Variants in PC observed in about 807,000 individuals in gnomAD.
The protein encoded by PC is pyruvate carboxylase.
PC carries 46 observed loss-of-function variants against 107.8 expected under a neutral mutation model. That is an observed-to-expected ratio of 0.43 (90% CI 0.34 to 0.55). PC has a LOEUF of 0.55. Ranked by LOEUF, PC falls within the 20% of genes least tolerant of loss-of-function variation. PC has a pLI of 0.04. For synonymous variants in PC, 662 were observed against 684.7 expected (o/e 0.97, Z 0.52); for missense variants, 1,241 against 1,643.1 (o/e 0.76, Z 4.23).
intron 3 of PC, among the ~76,000 whole-genome samples, chr11:66,907,364 C>G (rs370733521): frequency 2.0e-5 from 3 of 152,044 alleles, no homozygotes; most frequent in South Asian, 4.2e-4. Context: ...CCCGTCTCTA[C>G]GAAAAATACA....
intron 3 of PC, among the ~76,000 whole-genome samples, chr11:66,951,178 C>T (rs368285403): frequency 9.9e-5 from 15 of 152,264 alleles, no homozygotes; most frequent in African/African-American, 3.4e-4. Context: ...AACTCCTATA[C>T]CAAGGAATCC....
intron 3 of PC, among the ~76,000 whole-genome samples, chr11:66,933,968 T>C (rs1192940771): frequency 2.0e-5 from 3 of 152,092 alleles, no homozygotes; most frequent in South Asian, 2.1e-4. Context: ...CACTCCAACA[T>C]TGCTTCCCAA....
intron 12 of PC, among the ~76,000 whole-genome samples, chr11:66,861,998 A>G (rs1444887811): frequency 6.6e-6 from 1 of 152,132 alleles, no homozygotes; most frequent in Non-Finnish European, 1.5e-5. Context: ...GAGGGAGCAG[A>G]GGAACCGGGC....
At position 66,897,580 on chromosome 11, in the gene PC, A is replaced by G. The variant is rs923537197; in HGVS notation, c.1-25421T>C. On this transcript the variant is annotated intron_variant, in intron 3 of 22. Coordinates refer to ENST00000393960, the MANE Select transcript of PC (RefSeq NM_001040716.2). ...GAGAGAGACCTGCCTACAAAAAATAAATAAACAAAAAGCGAATAAAATACA... is the reference window on the plus strand; with the variant it reads ...GAGAGAGACCTGCCTACAAAAAATAGATAAACAAAAAGCGAATAAAATACA... Among the ~76,000 whole-genome samples the G allele has an allele frequency of 2.6e-5, 4 of 152,138 alleles. No individual in the cohort carries two copies. The East Asian group carries it at 5.8e-4, about 22-fold the overall frequency.
chr11:66,860,222 A>G, intron 12 of PC: 3 of 1,540,408 alleles, frequency 1.9e-6, no homozygotes, highest in Non-Finnish European at 2.6e-6. Context: ...TGTGTGCTCC[A>G]AGGGATGAGC....
rs1565208940 is a variant in PC, at chr11:66,849,767, C to A, written c.2991G>T (p.Arg997=). 1.2e-6 allele frequency: 2 copies of A among 1,614,176 alleles called. No homozygotes were observed. The highest frequency in any genetic ancestry group is 2.2e-5 in the South Asian group (2 of 91,088). Reference sequence around the variant, plus strand: ...CTTCCGGCGTCACCTCCTCCCCATGCCGGTCTACCAGCTCCTTCTCCAGTG... The same window carrying A: ...CTTCCGGCGTCACCTCCTCCCCATGACGGTCTACCAGCTCCTTCTCCAGTG... ...LQALEKELVD[R]HGEEVTPEDV... Residue 997 remains arginine, a synonymous_variant, in exon 21 of 23, where the codon CGG becomes CGT. Coordinates refer to ENST00000393960, the MANE Select transcript of PC (RefSeq NM_001040716.2).
chr11:66,921,484 G>A (rs552371674), intron 3 of PC, among the ~76,000 whole-genome samples: 2 of 152,306 alleles, frequency 1.3e-5, no homozygotes, highest in South Asian at 4.1e-4. Flanking sequence ...ACTCTGCAAA[G>A]GACACAAGCA....
intron 12 of PC, chr11:66,859,824 G>C (rs762935577): frequency 6.3e-7 from 1 of 1,579,930 alleles, no homozygotes; most frequent in Non-Finnish European, 8.6e-7. Flanking sequence ...GCAGGCCCAC[G>C]TGCTGGGCGG....
At chr11:66,863,350 G>T (rs1385035561) in intron 12 of PC, among the ~76,000 whole-genome samples, 4 of 152,142 alleles carry the variant, frequency 2.6e-5, no homozygotes, top group African/African-American at 9.7e-5. Context: ...AAATAAAAAA[G>T]AATTATCTGG....
intron 16 of PC, 31 bp from the exon 17 acceptor site, chr11:66,851,311 C>T: frequency 3.1e-6 from 5 of 1,599,498 alleles, no homozygotes; most frequent in Non-Finnish European, 3.4e-6. Flanking sequence ...AGGGCTGAGC[C>T]CCACCCCACC....
chr11:66,908,110 C>G (rs1948221897), intron 3 of PC, among the ~76,000 whole-genome samples: 1 of 151,312 alleles, frequency 6.6e-6, no homozygotes, highest in Non-Finnish European at 1.5e-5. Context: ...CTCACAAGTT[C>G]TGGTGGAAAG....
intron 3 of PC, among the ~76,000 whole-genome samples, chr11:66,941,135 A>G (rs971332181): frequency 6.6e-6 from 1 of 152,036 alleles, no homozygotes; most frequent in Admixed American, 6.6e-5. Context: ...AGGAAATGCA[A>G]ATCCAAACTA....
intron 3 of PC, among the ~76,000 whole-genome samples, chr11:66,882,050 G>A (rs1947205768): frequency 1.3e-5 from 2 of 152,246 alleles, no homozygotes; most frequent in African/African-American, 4.8e-5. Context: ...CCCAACGAGA[G>A]CTGACGAACA....
In PC at chr11:66,876,203, T is replaced by C. The variant is rs563740984; in HGVS notation, c.1-4044A>G. ...GGTTTGAAAGAGGATTGCGTTGATA[T>C]CAATTTCCTGATCTTGATCAGTGGA... On this transcript the variant is annotated intron_variant, in intron 3 of 22. Transcript: ENST00000393960. Among the ~76,000 whole-genome samples, 13 of 152,304 alleles carry C rather than the reference T, an allele frequency of 8.5e-5. No individual in the cohort carries two copies. In the South Asian group the frequency reaches 2.7e-3, roughly 32 times the overall value.
At chr11:66,900,178 G>GTTTTTTT (rs71045968) in intron 3 of PC, among the ~76,000 whole-genome samples, 6 of 107,396 alleles carry the variant, frequency 5.6e-5, no homozygotes, top group African/African-American at 7.3e-5. Context: ...CTCCAACGTT[G>GTTTTTTT]TTTTTTTTTT....
intron 3 of PC, among the ~76,000 whole-genome samples, chr11:66,915,252 G>C (rs954328082): frequency 2.0e-5 from 3 of 152,170 alleles, no homozygotes; most frequent in African/African-American, 7.2e-5. Context: ...CCCATGTTCT[G>C]CCAAGCTCCA....
At chr11:66,924,710 C>T (rs1591289370) in intron 3 of PC, among the ~76,000 whole-genome samples, 1 of 152,202 alleles carries the variant, frequency 6.6e-6, no homozygotes, top group East Asian at 1.9e-4. Context: ...ATCCACCCAT[C>T]TTAGCCTTCC....
At chr11:66,882,307 G>A (rs527759583) in intron 3 of PC, among the ~76,000 whole-genome samples, 12 of 152,356 alleles carry the variant, frequency 7.9e-5, no homozygotes, top group Admixed American at 7.2e-4. Context: ...CCTAAGAGCT[G>A]CTGCAGCTGA....
intron 2 of PC, among the ~76,000 whole-genome samples, chr11:66,952,838 C>T (rs1000310826): frequency 4.6e-5 from 7 of 152,180 alleles, no homozygotes; most frequent in African/African-American, 7.2e-5. Context: ...CCACCGCACC[C>T]GGCCAAGAAC....
Sources: gnomAD v4.1 joint callset for allele counts (sites outside exome capture counted in the v4.1 genomes callset) on GRCh38, gnomAD v4.1.1 for gene constraint, MANE v1.5 for transcripts, NCBI Gene and HGNC (gene_info 2026-07-23, HGNC 2026-07-21) for gene names.